Variants in FANCD2OS observed in about 807,000 individuals in gnomAD.
The protein encoded by FANCD2OS is FANCD2 opposite strand.
Under a neutral mutation model 13.2 loss-of-function variants are expected in FANCD2OS, and 11 were observed. That is an observed-to-expected ratio of 0.83 (90% CI 0.52 to 1.38). The LOEUF (loss-of-function observed/expected upper bound fraction) is 1.38. Among genes scored for constraint, FANCD2OS ranks in the 40% most tolerant of loss-of-function variants. The pLI, the probability that FANCD2OS is intolerant of heterozygous loss-of-function variation, is 0.00. For missense variants in FANCD2OS, 217 were observed against 213.9 expected, an observed-to-expected ratio of 1.01 and a Z score of -0.09; for synonymous variants, 69 against 84.5, an observed-to-expected ratio of 0.82 and a Z score of 1.01.
downstream of FANCD2OS, chr3:10,103,033 C>T (rs1695363152): frequency 4.6e-6 from 2 of 432,846 alleles, no homozygotes; most frequent in Non-Finnish European, 4.6e-6. Context: ...GAGGCCAAGG[C>T]ATTGCTTGAG....
downstream of FANCD2OS, among the ~76,000 whole-genome samples, chr3:10,102,494 T>C (rs1316918264): frequency 1.3e-5 from 2 of 152,098 alleles, no homozygotes; most frequent in Non-Finnish European, 2.9e-5. Flanking sequence ...ATGTTTTGGC[T>C]GCTTTTAAAA....
chr3:10,091,926 C>T (rs1694635786), intron 2 of FANCD2OS, among the ~76,000 whole-genome samples: 1 of 152,146 alleles, frequency 6.6e-6, no homozygotes, highest in African/African-American at 2.4e-5. Context: ...GTATATGTTG[C>T]AAAGGCTTTT....
At position 10,090,673 on chromosome 3, in the gene FANCD2OS, T is replaced by C. The variant is rs190275884; in HGVS notation, c.*44-9142A>G. ...CAGGGTTTCACCATGTTGGCCAGGC[T>C]AGTCTCGAACTCCTGACTTCATGAT... On this transcript the variant is annotated intron_variant, in intron 2 of 2. Transcript: ENST00000524279. Among the ~76,000 whole-genome samples, 59 of 152,242 alleles carry C rather than the reference T, an allele frequency of 3.9e-4. 1 individual carries two copies. The highest frequency in any genetic ancestry group is 1.3e-3 in the African/African-American group (56 of 41,558).
At chr3:10,094,127 TAA>T (rs1453309982) in intron 2 of FANCD2OS, among the ~76,000 whole-genome samples, 2 of 152,218 alleles carry the variant, frequency 1.3e-5, no homozygotes. Flanking sequence ...ATTTTTGTAT[TAA>T]GTTACATTCT....
downstream of FANCD2OS, chr3:10,099,442 A>G: frequency 1.8e-6 from 1 of 553,608 alleles, no homozygotes; most frequent in Non-Finnish European, 2.4e-6. Flanking sequence ...GCACAACATA[A>G]CAAGACCCTA....
chr3:10,099,187 C>G, downstream of FANCD2OS: 2 of 1,401,420 alleles, frequency 1.4e-6, no homozygotes, highest in African/African-American at 1.4e-5. Flanking sequence ...TTGAAACATA[C>G]AAAAATAGAA....
At chr3:10,100,981 A>G (rs1296951122), downstream of FANCD2OS, among the ~76,000 whole-genome samples, 1 of 152,102 alleles carries the variant, frequency 6.6e-6, no homozygotes, top group Non-Finnish European at 1.5e-5. Context: ...AGGCAGGGGA[A>G]TCGCTTGAAC....
intron 2 of FANCD2OS, among the ~76,000 whole-genome samples, chr3:10,096,817 A>T (rs1348646964): frequency 6.6e-6 from 1 of 152,218 alleles, no homozygotes; most frequent in East Asian, 1.9e-4. Context: ...ATAGGGACAA[A>T]CATTTCTTTT....
At chr3:10,094,480 C>A in intron 2 of FANCD2OS, 1 of 855,774 alleles carries the variant, frequency 1.2e-6, no homozygotes, top group Non-Finnish European at 2.0e-6. Context: ...TGGTCCACTT[C>A]AGCTGTAGCC....
chr3:10,100,968 C>T (rs1695265178), downstream of FANCD2OS, among the ~76,000 whole-genome samples: 2 of 151,908 alleles, frequency 1.3e-5, no homozygotes, highest in Non-Finnish European at 2.9e-5. Flanking sequence ...ACTTGGGAGG[C>T]TGAGGCAGGG....
In FANCD2OS at chr3:10,092,180, G is replaced by A; in HGVS notation, c.*44-10649C>T. The A allele has an allele frequency of 6.2e-7, 1 of 1,613,156 alleles. No homozygotes were observed. Among genetic ancestry groups the A allele is most frequent in the Non-Finnish European group, 8.5e-7 (1 of 1,179,136 alleles). ...GGTGCCCATATATTTGGCTGCCCCAGATTCATGAAGAGAAACTCCTCTACT... is the reference window on the plus strand; with the variant it reads ...GGTGCCCATATATTTGGCTGCCCCAAATTCATGAAGAGAAACTCCTCTACT... On this transcript the variant is annotated intron_variant, in intron 2 of 2. Transcript: ENST00000524279.
At chr3:10,083,855 T>A (rs1575830460) in intron 2 of FANCD2OS, 1 of 112,744 alleles carries the variant, frequency 8.9e-6, no homozygotes, top group African/African-American at 3.5e-5. Flanking sequence ...ACCACTGCAC[T>A]CCAGCCTGGG....
downstream of FANCD2OS, chr3:10,099,193 T>G: frequency 7.2e-7 from 1 of 1,394,162 alleles, no homozygotes; most frequent in South Asian, 1.6e-5. Flanking sequence ...CATACAAAAA[T>G]AGAAATGTGA....
chr3:10,087,527 CAA>C (rs112934348), intron 2 of FANCD2OS, among the ~76,000 whole-genome samples: 1 of 139,964 alleles, frequency 7.1e-6, no homozygotes, highest in Admixed American at 7.2e-5. Flanking sequence ...TCTTCCTTTT[CAA>C]AAAAAAAAAA....
At position 10,081,412 on chromosome 3, in the gene FANCD2OS, A is replaced by G. The variant is rs908373952; in HGVS notation, c.*163T>C. On this transcript the variant is annotated 3_prime_UTR_variant, in exon 3 of 3. Transcript: ENST00000524279. Reference sequence around the variant, plus strand: ...AGTGAAAGTTCAGGAGTACCACATAATGTCTTCCTGCTATCAGAGGCTGCT... The same window carrying G: ...AGTGAAAGTTCAGGAGTACCACATAGTGTCTTCCTGCTATCAGAGGCTGCT... 5.6e-6 allele frequency: 9 copies of G among 1,614,114 alleles called. No individual in the cohort carries two copies. The highest frequency in any genetic ancestry group is 4.2e-6 in the Non-Finnish European group (5 of 1,179,972).
chr3:10,088,586 T>C (rs1415875667), intron 2 of FANCD2OS: 2 of 1,366,526 alleles, frequency 1.5e-6, no homozygotes, highest in Non-Finnish European at 2.1e-6. Context: ...AGCTTTTTTC[T>C]ATTTTGCTAC....
chr3:10,085,256 G>T (rs980557150), intron 2 of FANCD2OS, among the ~76,000 whole-genome samples: 1 of 152,066 alleles, frequency 6.6e-6, no homozygotes, highest in African/African-American at 2.4e-5. Context: ...AAAGAAAGAG[G>T]AAAGAAGAAA....
chr3:10,096,268 A>T (rs1474543371), intron 2 of FANCD2OS: 6 of 1,572,702 alleles, frequency 3.8e-6, no homozygotes, highest in Non-Finnish European at 4.4e-6. Context: ...TTTCTATAAG[A>T]AATGTGAAGG....
rs753668959 is a variant in FANCD2OS, at chr3:10,104,409, G to A, written c.366C>T (p.Asp122=). 1.2e-6 allele frequency: 2 copies of A among 1,614,208 alleles called. No homozygotes were observed. Among genetic ancestry groups the A allele is most frequent in the East Asian group, 2.2e-5 (1 of 44,886 alleles). ...PKWTGTFRVS[D]KSAFCKIISR... Reference sequence around the variant, plus strand: ...TAATGATTTTGCAAAAGGCTGACTTGTCTGAAACTCTGAAAGTCCCGGTCC... The same window carrying A: ...TAATGATTTTGCAAAAGGCTGACTTATCTGAAACTCTGAAAGTCCCGGTCC... Residue 122 remains aspartate, a synonymous_variant, in exon 2 of 2, where the codon GAC becomes GAT. Transcript: ENST00000450660.
Sources: allele counts gnomAD v4.1 joint callset (sites outside exome capture counted in the v4.1 genomes callset), GRCh38; gene constraint gnomAD v4.1.1; transcripts MANE v1.5; gene names NCBI Gene and HGNC (gene_info 2026-07-23, HGNC 2026-07-21).